The following UBE2H variants were observed in gnomAD, a reference collection of about 807,000 sequenced individuals.
UBE2H encodes ubiquitin conjugating enzyme E2 H, also known as ubiquitin-conjugating enzyme E2 H.
In UBE2H, 3 loss-of-function variants were observed where a neutral mutation model predicts 29.0. The ratio of observed to expected loss-of-function variants is 0.10; its 90% confidence interval spans 0.05 to 0.27. The LOEUF (loss-of-function observed/expected upper bound fraction) is 0.27, where lower values mean the gene tolerates loss of function less well. Among genes scored for constraint, UBE2H ranks in the 10% least tolerant of loss-of-function variants. The pLI is 1.00. For missense variants in UBE2H, 68 were observed against 228.2 expected (o/e 0.30, Z 4.52); for synonymous variants, 69 against 82.9 (o/e 0.83, Z 0.91).
At chr7:129,935,448 C>T (rs191507017) in intron 1 of UBE2H, among the ~76,000 whole-genome samples, 161 of 150,090 alleles carry the variant, frequency 1.1e-3, no homozygotes, top group African/African-American at 3.5e-3. Context: ...GAAAATATAA[C>T]TCAGGTAATT....
At chr7:129,890,377 T>A (rs557759672) in intron 1 of UBE2H, among the ~76,000 whole-genome samples, 1 of 151,394 alleles carries the variant, frequency 6.6e-6, no homozygotes, top group Admixed American at 6.6e-5. Context: ...ATACACACAC[T>A]TATATATATA....
At chr7:129,883,123 T>G (rs892298692) in intron 1 of UBE2H, among the ~76,000 whole-genome samples, 6 of 152,192 alleles carry the variant, frequency 3.9e-5, no homozygotes, top group African/African-American at 1.4e-4. Flanking sequence ...CTATAAACAA[T>G]GAAAACAACG....
chr7:129,942,495 C>T (rs1807668213), intron 1 of UBE2H, among the ~76,000 whole-genome samples: 1 of 152,114 alleles, frequency 6.6e-6, no homozygotes, highest in Non-Finnish European at 1.5e-5. Context: ...CTCTCACACA[C>T]ACAAAAATTC....
chr7:129,847,009 T>A (rs953203931), intron 5 of UBE2H, among the ~76,000 whole-genome samples: 20 of 143,736 alleles, frequency 1.4e-4, no homozygotes, highest in Middle Eastern at 3.4e-3. Context: ...ATCCTATAAT[T>A]ATTATTATTA....
chr7:129,917,037 CA>C (rs35874993), intron 1 of UBE2H, among the ~76,000 whole-genome samples: 14,173 of 96,270 alleles, frequency 0.15, 875 homozygotes, highest in African/African-American at 0.26. Flanking sequence ...ATTCCGTCTC[CA>C]AAAAAAAAAA....
chr7:129,896,785 T>G (rs1377005945), intron 1 of UBE2H, among the ~76,000 whole-genome samples: 1 of 152,244 alleles, frequency 6.6e-6, no homozygotes, highest in Non-Finnish European at 1.5e-5. Flanking sequence ...GAAGATAGCA[T>G]TTAGCTAAGT....
intron 1 of UBE2H, among the ~76,000 whole-genome samples, chr7:129,897,628 A>G (rs1228009211): frequency 1.3e-5 from 2 of 152,250 alleles, no homozygotes; most frequent in African/African-American, 4.8e-5. Flanking sequence ...TGGATACACT[A>G]GACAGAATGC....
At chr7:129,899,782 A>G (rs1806671978) in intron 1 of UBE2H, among the ~76,000 whole-genome samples, 1 of 152,238 alleles carries the variant, frequency 6.6e-6, no homozygotes, top group East Asian at 1.9e-4. Flanking sequence ...AACAAGGAGT[A>G]GTATTTTACC....
intron 1 of UBE2H, among the ~76,000 whole-genome samples, chr7:129,905,933 C>A (rs768941209): frequency 7.9e-5 from 12 of 151,886 alleles, no homozygotes; most frequent in Non-Finnish European, 1.5e-5. Flanking sequence ...CCACTGTACT[C>A]CAGCCTGGGC....
intron 1 of UBE2H, among the ~76,000 whole-genome samples, chr7:129,885,084 A>C (rs1806333066): frequency 6.6e-6 from 1 of 151,876 alleles, no homozygotes; most frequent in Non-Finnish European, 1.5e-5. Flanking sequence ...AAGGCAAAAA[A>C]CACAAACCAC....
chr7:129,854,624 T>C (rs1054800524), intron 5 of UBE2H, among the ~76,000 whole-genome samples: 1 of 152,252 alleles, frequency 6.6e-6, no homozygotes, highest in Non-Finnish European at 1.5e-5. Flanking sequence ...ATAAATGTGA[T>C]GAAAACTTAC....
At chr7:129,920,848 C>CAAAAAAAAAAAAAAA (rs11347186) in intron 1 of UBE2H, among the ~76,000 whole-genome samples, 3 of 73,982 alleles carry the variant, frequency 4.1e-5, no homozygotes, top group East Asian at 4.8e-4. Context: ...TAGAAAAAGT[C>CAAAAAAAAAAAAAAA]AAAAAAAAAA....
intron 1 of UBE2H, among the ~76,000 whole-genome samples, chr7:129,925,674 C>T (rs1393199017): frequency 6.6e-6 from 1 of 152,162 alleles, no homozygotes; most frequent in Non-Finnish European, 1.5e-5. Flanking sequence ...GGGAGGGACA[C>T]TCAGAAAAGT....
Position 129,857,521 on chromosome 7 carries a change from T to C in UBE2H, c.288A>G (p.Thr96=). ...CATGGCCAAACTCACCATAGAGAGC[T>C]GTCCAAGTTTGATTAATTACATCTA... ...VCLDVINQTW[T]ALYDLTNIFE... The change falls in exon 5 of 7, where the codon ACA becomes ACG. Residue 96 remains threonine, a synonymous_variant. Coordinates refer to ENST00000355621, the MANE Select transcript of UBE2H (RefSeq NM_003344.4). 1 of 1,612,042 alleles carries C rather than the reference T, an allele frequency of 6.2e-7. No individual in the cohort carries two copies. Among genetic ancestry groups the C allele is most frequent in the East Asian group, 2.2e-5 (1 of 44,732 alleles).
intron 1 of UBE2H, among the ~76,000 whole-genome samples, chr7:129,906,729 C>T (rs951069308): frequency 2.6e-5 from 4 of 152,158 alleles, no homozygotes; most frequent in Admixed American, 2.6e-4. Context: ...CGTAACATGG[C>T]TTCCTGGGAC....
rs978535413 is a variant in UBE2H, at chr7:129,832,697, C to G, written c.*2240G>C. Reference sequence around the variant, plus strand: ...GCACTGCTCACACACCTTCCCGAAACTGGGGTCTATTCAGTTTTTTGACAA... The same window carrying G: ...GCACTGCTCACACACCTTCCCGAAAGTGGGGTCTATTCAGTTTTTTGACAA... On this transcript the variant is annotated 3_prime_UTR_variant, in exon 7 of 7. Coordinates refer to ENST00000355621, the MANE Select transcript of UBE2H (RefSeq NM_003344.4). The G allele has an allele frequency of 1.3e-5, 2 of 152,128 alleles. No individual in the cohort carries two copies. Among genetic ancestry groups the G allele is most frequent in the African/African-American group, 4.8e-5 (2 of 41,412 alleles). The allele number at this position is 152,128 out of a possible 1,614,324, so 9.4% of individuals were successfully genotyped here.
At chr7:129,843,086 C>T (rs1173885813) in intron 5 of UBE2H, among the ~76,000 whole-genome samples, 2 of 149,796 alleles carry the variant, frequency 1.3e-5, no homozygotes, top group African/African-American at 4.9e-5. Context: ...GCAAGCTCCG[C>T]CTCCTGGGTT....
At chr7:129,921,694 C>CAAAAAAAAA (rs1047164274) in intron 1 of UBE2H, among the ~76,000 whole-genome samples, 1 of 68,510 alleles carries the variant, frequency 1.5e-5, no homozygotes, top group Non-Finnish European at 3.0e-5. Flanking sequence ...GACTCTGTCA[C>CAAAAAAAAA]AAAAAAAAAA....
intron 3 of UBE2H, among the ~76,000 whole-genome samples, chr7:129,872,845 CAAAAAAAA>C (rs34001143): frequency 0.26 from 18,916 of 72,108 alleles, 1,619 homozygotes; most frequent in African/African-American, 0.4. Context: ...CACTCCGTCT[CAAAAAAAA>C]AAAAAAAAAA....
Sources: allele counts gnomAD v4.1 joint callset (sites outside exome capture counted in the v4.1 genomes callset), GRCh38; gene constraint gnomAD v4.1.1; transcripts MANE v1.5; gene names NCBI Gene and HGNC (gene_info 2026-07-23, HGNC 2026-07-21).